TSHZ1: variants seen among roughly 807,000 people sequenced by gnomAD.
TSHZ1 encodes the protein teashirt zinc finger homeobox 1, also known as teashirt homolog 1.
A neutral mutation model predicts 67.1 loss-of-function variants in TSHZ1; 12 were observed. The observed-to-expected ratio is 0.18, with a 90% CI of 0.11 to 0.29. The LOEUF (loss-of-function observed/expected upper bound fraction) is 0.29. TSHZ1 is among the 10% of genes least tolerant of loss of function. TSHZ1 has a pLI of 1.00. For missense variants in TSHZ1, 1,305 were observed against 1,413.9 expected, an observed-to-expected ratio of 0.92 and a Z score of 1.23; for synonymous variants, 632 against 622.4, an observed-to-expected ratio of 1.02 and a Z score of -0.23.
intron 1 of TSHZ1, among the ~76,000 whole-genome samples, chr18:75,242,797 G>A (rs2023172750): frequency 6.6e-6 from 1 of 152,194 alleles, no homozygotes; most frequent in South Asian, 2.1e-4. Context: ...TGGATTTTAT[G>A]GCCATAATGC....
At chr18:75,213,562 G>C (rs1030010947) in intron 1 of TSHZ1, among the ~76,000 whole-genome samples, 1 of 151,830 alleles carries the variant, frequency 6.6e-6, no homozygotes, top group African/African-American at 2.4e-5. Flanking sequence ...AAATTGCGGT[G>C]AATATTTCCA....
intron 1 of TSHZ1, among the ~76,000 whole-genome samples, chr18:75,276,546 G>A (rs2023615567): frequency 6.6e-6 from 1 of 152,170 alleles, no homozygotes; most frequent in Non-Finnish European, 1.5e-5. Context: ...TACTTTATGA[G>A]TGATCAATTA....
chr18:75,242,348 C>T (rs2023167053), intron 1 of TSHZ1, among the ~76,000 whole-genome samples: 1 of 152,174 alleles, frequency 6.6e-6, no homozygotes, highest in Non-Finnish European at 1.5e-5. Flanking sequence ...AGCAGGGAGT[C>T]ATCGCATCTA....
chr18:75,276,533 C>T (rs538048866), intron 1 of TSHZ1, among the ~76,000 whole-genome samples: 26 of 152,246 alleles, frequency 1.7e-4, no homozygotes, highest in Non-Finnish European at 3.2e-4. Flanking sequence ...ACGAAGGTGA[C>T]GTTACTTTAT....
intron 1 of TSHZ1, among the ~76,000 whole-genome samples, chr18:75,249,481 TA>T (rs1387975950): frequency 4.2e-5 from 2 of 47,604 alleles, no homozygotes; most frequent in East Asian, 8.3e-4. Flanking sequence ...GTGGCTTTGG[TA>T]GGGGGGAAGG....
chr18:75,227,382 G>A (rs1255633082), intron 1 of TSHZ1, among the ~76,000 whole-genome samples: 1 of 152,038 alleles, frequency 6.6e-6, no homozygotes, highest in Non-Finnish European at 1.5e-5. Context: ...GATGAGGTTC[G>A]AGTCTAAAAG....
chr18:75,251,596 G>A (rs148936343), intron 1 of TSHZ1, among the ~76,000 whole-genome samples: 25 of 148,846 alleles, frequency 1.7e-4, no homozygotes, highest in African/African-American at 5.9e-4. Context: ...GCATGAAAAC[G>A]ATCATATTCC....
chr18:75,238,380 G>T (rs4891248), intron 1 of TSHZ1, among the ~76,000 whole-genome samples: 87,969 of 151,964 alleles, frequency 0.58, 25,739 homozygotes, highest in Middle Eastern at 0.7. Context: ...GTAGCCACCT[G>T]TGCGGGGTAC....
At chr18:75,223,394 G>T (rs536464570) in intron 1 of TSHZ1, among the ~76,000 whole-genome samples, 1 of 152,234 alleles carries the variant, frequency 6.6e-6, no homozygotes, top group South Asian at 2.1e-4. Context: ...GGCTGGTTAT[G>T]AGGCCTAATT....
intron 1 of TSHZ1, among the ~76,000 whole-genome samples, chr18:75,258,738 A>G (rs1263689384): frequency 6.6e-6 from 1 of 152,122 alleles, no homozygotes; most frequent in East Asian, 1.9e-4. Context: ...TATGGCCCTC[A>G]GTGAGAAAAA....
chr18:75,259,207 C>T (rs770474495), intron 1 of TSHZ1, among the ~76,000 whole-genome samples: 5 of 152,146 alleles, frequency 3.3e-5, no homozygotes, highest in Non-Finnish European at 7.3e-5. Flanking sequence ...GATCATTGCT[C>T]CAGAGAGAGA....
chr18:75,271,192 T>C (rs2023552487), intron 1 of TSHZ1, among the ~76,000 whole-genome samples: 1 of 152,078 alleles, frequency 6.6e-6, no homozygotes, highest in Non-Finnish European at 1.5e-5. Context: ...TCAGAAGAAA[T>C]AGGAGAAAAT....
chr18:75,224,880 T>C (rs1039710355), intron 1 of TSHZ1, among the ~76,000 whole-genome samples: 4 of 152,156 alleles, frequency 2.6e-5, no homozygotes, highest in African/African-American at 9.7e-5. Context: ...GCTTATATTA[T>C]TAGAGAATTC....
chr18:75,285,929 G>T lies in TSHZ1; in HGVS notation c.522G>T (p.Thr174=), dbSNP rs141321614. Residue 174 remains threonine, a synonymous_variant, in exon 2 of 2, where the codon ACG becomes ACT. Coordinates refer to ENST00000580243, the MANE Select transcript of TSHZ1 (RefSeq NM_001308210.2). Reference sequence around the variant, plus strand: ...GCACCACTGGCCCCACCACGAGCACGCCCAGCACCAGCTGCAGCTCCAGCA... The same window carrying T: ...GCACCACTGGCCCCACCACGAGCACTCCCAGCACCAGCTGCAGCTCCAGCA... ...PVSTTGPTTS[T]PSTSCSSSTS... 5.3e-5 allele frequency: 67 copies of T among 1,266,694 alleles called. No homozygotes were observed. Among genetic ancestry groups the T allele is most frequent in the Non-Finnish European group, 6.5e-5 (63 of 973,152 alleles). The allele number at this position is 1,266,694 out of a possible 1,614,324, so 78.5% of individuals were successfully genotyped here. A position where few individuals can be genotyped will look rare whatever the true frequency, so the allele number is the denominator to read the frequency against.
At chr18:75,231,659 T>G (rs1026834842) in intron 1 of TSHZ1, among the ~76,000 whole-genome samples, 6 of 150,732 alleles carry the variant, frequency 4.0e-5, no homozygotes, top group Non-Finnish European at 8.9e-5. Context: ...CTCAGCCACC[T>G]GAGTAGCTGG....
Position 75,286,772 on chromosome 18 carries a change from G to C in TSHZ1, c.1365G>C (p.Leu455Phe). 1 of 1,613,592 alleles carries C rather than the reference G, an allele frequency of 6.2e-7. No individual in the cohort carries two copies. Among genetic ancestry groups the C allele is most frequent in the Non-Finnish European group, 8.5e-7 (1 of 1,180,036 alleles). The change falls in exon 2 of 2, where the codon TTG becomes TTC. Residue 455 changes from leucine (L) to phenylalanine (F), a missense_variant. By Grantham distance (22) the Leu-to-Phe change is conservative. Transcript: ENST00000580243. This position sits in a 1 kb window ranked among gnomAD's most constrained non-coding sequence, Gnocchi z 5.1. ...CGGCTTCTAAGAAGGGCAAGCAGTTGGTGCTGGACCCTGTGGTGGAAGAGA... is the reference window on the plus strand; with the variant it reads ...CGGCTTCTAAGAAGGGCAAGCAGTTCGTGCTGGACCCTGTGGTGGAAGAGA... ...TTSASKKGKQ[L>F]VLDPVVEEKI...
chr18:75,267,870 G>T (rs1054633301), intron 1 of TSHZ1, among the ~76,000 whole-genome samples: 2 of 152,156 alleles, frequency 1.3e-5, no homozygotes, highest in African/African-American at 4.8e-5. Context: ...TACACCTCAT[G>T]ACTGCAACTT....
intron 1 of TSHZ1, among the ~76,000 whole-genome samples, chr18:75,248,011 TC>T (rs1221911018): frequency 6.6e-6 from 1 of 152,182 alleles, no homozygotes; most frequent in Non-Finnish European, 1.5e-5. Context: ...AGCACTGTTT[TC>T]TCAAATATAA....
chr18:75,230,985 C>A (rs116792595), intron 1 of TSHZ1, among the ~76,000 whole-genome samples: 2 of 152,182 alleles, frequency 1.3e-5, no homozygotes, highest in African/African-American at 4.8e-5. Context: ...CCTGTCAGTT[C>A]CCTTGTGGGG....
Sources: allele counts gnomAD v4.1 joint callset (sites outside exome capture counted in the v4.1 genomes callset), GRCh38; gene constraint gnomAD v4.1.1; non-coding constraint Gnocchi (gnomAD v3.1); transcripts MANE v1.5; gene names NCBI Gene and HGNC (gene_info 2026-07-23, HGNC 2026-07-21).